SNRNP40: variants seen among roughly 807,000 people sequenced by gnomAD.
SNRNP40 encodes small nuclear ribonucleoprotein U5 subunit 40, also known as U5 small nuclear ribonucleoprotein 40 kDa protein.
In SNRNP40, 21 loss-of-function variants were observed where a neutral mutation model predicts 45.8. The observed-to-expected ratio is 0.46, with a 90% CI of 0.32 to 0.66. The LOEUF is 0.66. Among genes scored for constraint, SNRNP40 ranks in the 30% least tolerant of loss-of-function variants. The pLI is 0.03. For synonymous variants in SNRNP40, 142 were observed against 163.8 expected, an observed-to-expected ratio of 0.87 and a Z score of 1.01; for missense variants, 344 against 439.1, an observed-to-expected ratio of 0.78 and a Z score of 1.94.
At chr1:31,272,906 T>C (rs928708120) in intron 5 of SNRNP40, among the ~76,000 whole-genome samples, 3 of 152,134 alleles carry the variant, frequency 2.0e-5, no homozygotes, top group Non-Finnish European at 4.4e-5. Context: ...AAATACAAAT[T>C]TTCCCCCAAT....
intron 3 of SNRNP40, among the ~76,000 whole-genome samples, chr1:31,290,061 T>C (rs1646092132): frequency 6.6e-6 from 1 of 152,178 alleles, no homozygotes; most frequent in African/African-American, 2.4e-5. Context: ...AAGGTCTCAC[T>C]ATGTTGCCCA....
At chr1:31,296,513 C>T (rs1646160736) in intron 1 of SNRNP40, 98 bp downstream of exon 1, 5 of 1,412,612 alleles carry the variant, frequency 3.5e-6, no homozygotes, top group Non-Finnish European at 4.8e-6. Flanking sequence ...TCTCGTTCTG[C>T]CCCCGCAATG....
intron 8 of SNRNP40, chr1:31,263,508 C>T (rs1007786370): frequency 8.4e-6 from 3 of 357,828 alleles, no homozygotes; most frequent in African/African-American, 4.4e-5. Flanking sequence ...ATTTAGAGAG[C>T]CCCTGAAATC....
At chr1:31,263,588 G>C (rs1645876184) in intron 8 of SNRNP40, 1 of 458,878 alleles carries the variant, frequency 2.2e-6, no homozygotes, top group African/African-American at 2.1e-5. Context: ...AAACTTGAAG[G>C]GCAAGTTGAG....
intron 1 of SNRNP40, 53 bp from the exon 2 acceptor site, chr1:31,293,401 C>T: frequency 6.6e-7 from 1 of 1,525,172 alleles, no homozygotes; most frequent in Non-Finnish European, 8.8e-7. Context: ...AAGGAGGCTA[C>T]AAAATTAGGG....
Position 31,269,173 on chromosome 1 carries a change from C to T in SNRNP40, c.843G>A (p.Val281=). The change falls in exon 7 of 10, where the codon GTG becomes GTA. Residue 281 remains valine, a synonymous_variant. Transcript: ENST00000263694. Reference sequence around the variant, plus strand: ...CAGAACTCACCTTTTCAAAGTTGTGCACATTTCCTTGAAATATCTTTACAC... The same window carrying T: ...CAGAACTCACCTTTTCAAAGTTGTGTACATTTCCTTGAAATATCTTTACAC... ...ERCVKIFQGN[V]HNFEKNLLRC... is the part of the protein sequence containing the mutation. The T allele has an allele frequency of 6.2e-7, 1 of 1,605,874 alleles. No individual in the cohort carries two copies. Among genetic ancestry groups the T allele is most frequent in the Non-Finnish European group, 8.5e-7 (1 of 1,177,138 alleles).
Position 31,274,383 on chromosome 1 carries a change from C to T in SNRNP40, c.655-2884G>A, listed in dbSNP as rs185578388. ...TCCAGAGTAGCTGGGACTACAGGCG[C>T]GCACCACCACACCCAGCTAATTTTT... On this transcript the variant is annotated intron_variant, in intron 5 of 9. Transcript: ENST00000263694. Among the ~76,000 whole-genome samples, 783 of 151,974 alleles carry T rather than the reference C, an allele frequency of 5.2e-3. 5 individuals are homozygous for T. The highest frequency in any genetic ancestry group is 9.0e-3 in the Non-Finnish European group (614 of 67,944).
At chr1:31,272,081 CTA>C (rs1645943009) in intron 5 of SNRNP40, among the ~76,000 whole-genome samples, 2 of 151,864 alleles carry the variant, frequency 1.3e-5, no homozygotes, top group Admixed American at 1.3e-4. Flanking sequence ...CAAAGAAAAA[CTA>C]TTATAGAAAA....
intron 3 of SNRNP40, among the ~76,000 whole-genome samples, chr1:31,289,737 C>G (rs1427977905): frequency 6.6e-6 from 1 of 152,172 alleles, no homozygotes; most frequent in South Asian, 2.1e-4. Context: ...ACATAAGACA[C>G]CCTCTCACTT....
rs200984663 is a variant in SNRNP40 at position 31,296,786 on chromosome 1, C to T, written c.-35G>A. 815 of 1,546,758 alleles carry T rather than the reference C, an allele frequency of 5.3e-4. 5 individuals carry two copies. Among genetic ancestry groups the T allele is most frequent in the Middle Eastern group, 4.7e-3 (27 of 5,764 alleles). ...CGGTCTCTTCAGCGCCGCCACTGAC[C>T]GCGCTGCCGCTCTCAGGCGCCACGC... On this transcript the variant is annotated 5_prime_UTR_variant, in exon 1 of 10. Transcript: ENST00000263694.
At position 31,293,158 on chromosome 1, in the gene SNRNP40, T is replaced by TA. The variant is rs112391814; in HGVS notation, c.271+60dup. The TA allele has an allele frequency of 5.4e-3, 6,397 of 1,175,180 alleles. 6 individuals are homozygous for TA. Among genetic ancestry groups the TA allele is most frequent in the African/African-American group, 0.018 (1,162 of 65,748 alleles). 72.8% of individuals were successfully genotyped at this position (1,175,180 alleles called of 1,614,324 possible). Reference sequence around the variant, plus strand: ...GATACCTTCTGTGGCACCCAAGATTTAAAAAAAAAAATCACTATCTGGCAG... The same window carrying TA: ...GATACCTTCTGTGGCACCCAAGATTTAAAAAAAAAAAATCACTATCTGGCAG... On this transcript the variant is annotated intron_variant, in intron 2 of 9. Coordinates refer to ENST00000263694, the MANE Select transcript of SNRNP40 (RefSeq NM_004814.3).
intron 9 of SNRNP40, among the ~76,000 whole-genome samples, chr1:31,260,472 G>A (rs1645850644): frequency 6.6e-6 from 1 of 151,972 alleles, no homozygotes; most frequent in African/African-American, 2.4e-5. Flanking sequence ...CTTAGCCCTG[G>A]AGAAAGTTAC....
chr1:31,294,495 T>C (rs1646128116), intron 1 of SNRNP40, among the ~76,000 whole-genome samples: 1 of 151,776 alleles, frequency 6.6e-6, no homozygotes. Context: ...AGTCTTGCTC[T>C]GTTGCCCAGG....
intron 5 of SNRNP40, 53 bp from the exon 6 acceptor site, chr1:31,271,552 G>A: frequency 6.4e-7 from 1 of 1,567,058 alleles, no homozygotes; most frequent in Non-Finnish European, 8.6e-7. Flanking sequence ...AGCAGAGAAA[G>A]AGAATGACAC....
chr1:31,266,522 A>T (rs1204197199), intron 8 of SNRNP40, among the ~76,000 whole-genome samples: 1 of 152,208 alleles, frequency 6.6e-6, no homozygotes, highest in South Asian at 2.1e-4. Flanking sequence ...AGGTTACCAC[A>T]GACATGCCAA....
At position 31,269,194 on chromosome 1, in the gene SNRNP40, T is replaced by C; in HGVS notation, c.822A>G (p.Val274=). The change falls in exon 7 of 10, where the codon GTA becomes GTG. Residue 274 remains valine, a synonymous_variant. Transcript: ENST00000263694. ...VRPFAPKERC[V]KIFQGNVHNF... ...TGTGCACATTTCCTTGAAATATCTT[T>C]ACACATCTCTCTTTGGGGGCAAATG... The C allele has an allele frequency of 6.2e-7, 1 of 1,612,206 alleles. No individual in the cohort carries two copies. The highest frequency in any genetic ancestry group is 8.5e-7 in the Non-Finnish European group (1 of 1,179,406).
intron 5 of SNRNP40, among the ~76,000 whole-genome samples, chr1:31,275,435 T>TCCAGA (rs33956390): frequency 6.6e-6 from 1 of 152,044 alleles, no homozygotes; most frequent in Non-Finnish European, 1.5e-5. Flanking sequence ...CACTCTGTCA[T>TCCAGA]CTGGAGTGCA....
intron 2 of SNRNP40, among the ~76,000 whole-genome samples, chr1:31,292,361 C>T (rs1445756831): frequency 6.6e-6 from 1 of 152,136 alleles, no homozygotes; most frequent in East Asian, 1.9e-4. Flanking sequence ...GACTCCGTCT[C>T]TAAAAAGCCA....
chr1:31,278,840 G>A (rs966434761), intron 5 of SNRNP40, among the ~76,000 whole-genome samples: 2 of 152,106 alleles, frequency 1.3e-5, no homozygotes, highest in African/African-American at 2.4e-5. Flanking sequence ...CTGTCTTGGG[G>A]AATGTACACA....
Sources: allele counts gnomAD v4.1 joint callset (sites outside exome capture counted in the v4.1 genomes callset), GRCh38; gene constraint gnomAD v4.1.1; transcripts MANE v1.5; gene names NCBI Gene and HGNC (gene_info 2026-07-23, HGNC 2026-07-21).